The following APP variants were observed in gnomAD, a reference collection of about 807,000 sequenced individuals.
APP encodes amyloid beta precursor protein.
A neutral mutation model predicts 101.4 loss-of-function variants in APP; 31 were observed. That is an observed-to-expected ratio of 0.31 (90% CI 0.23 to 0.41). The LOEUF (loss-of-function observed/expected upper bound fraction) is 0.41. Among genes scored for constraint, APP ranks in the 10% least tolerant of loss-of-function variants. The pLI, the probability that APP is intolerant of heterozygous loss-of-function variation, is 1.00. For missense variants in APP, 839 were observed against 1,003.7 expected, an observed-to-expected ratio of 0.84 and a Z score of 2.22; for synonymous variants, 366 against 364.4, an observed-to-expected ratio of 1.00 and a Z score of -0.05.
intron 5 of APP, among the ~76,000 whole-genome samples, chr21:26,034,642 AAAAAAAAGAAAAAGAAAAAG>A (rs1264992051): frequency 0.024 from 3,108 of 127,434 alleles, 99 homozygotes; most frequent in African/African-American, 0.079. Context: ...ACTTCTCAAA[AAAAAAAAGAAAAAGAAAAAG>A]AAAAAAAGAA....
chr21:26,170,325 G>T (rs1236890923), intron 1 of APP, among the ~76,000 whole-genome samples: 1 of 152,142 alleles, frequency 6.6e-6, no homozygotes, highest in Non-Finnish European at 1.5e-5. Context: ...GGGCTGGCGC[G>T]GAACCAGGGA....
chr21:25,892,867 A>G (rs2037784535), intron 16 of APP, among the ~76,000 whole-genome samples: 2 of 152,158 alleles, frequency 1.3e-5, no homozygotes, highest in Non-Finnish European at 2.9e-5. Flanking sequence ...CTAAAGCTAA[A>G]TATTACCACG....
chr21:26,024,292 C>T (rs1165783616), intron 5 of APP, among the ~76,000 whole-genome samples: 1 of 150,102 alleles, frequency 6.7e-6, no homozygotes, highest in Non-Finnish European at 1.5e-5. Context: ...GCTATGCTGA[C>T]ATTATAATGT....
chr21:26,087,880 G>A (rs1488299312), intron 3 of APP, among the ~76,000 whole-genome samples: 3 of 152,140 alleles, frequency 2.0e-5, no homozygotes. Context: ...ACAAATATTT[G>A]GACAGTCTCC....
intron 11 of APP, among the ~76,000 whole-genome samples, chr21:25,963,226 A>G (rs1266790304): frequency 6.6e-6 from 1 of 152,328 alleles, no homozygotes; most frequent in East Asian, 1.9e-4. Context: ...AGTCTCATAC[A>G]TTTGACTAAT....
intron 13 of APP, among the ~76,000 whole-genome samples, chr21:25,927,121 C>CT (rs2039935622): frequency 6.6e-6 from 1 of 150,814 alleles, no homozygotes; most frequent in South Asian, 2.1e-4. Context: ...TCGACGGTAT[C>CT]TTTTAGAAGC....
chr21:25,990,960 G>A (rs138073979), intron 8 of APP, among the ~76,000 whole-genome samples: 1 of 152,248 alleles, frequency 6.6e-6, no homozygotes, highest in African/African-American at 2.4e-5. Flanking sequence ...AAAATGTGGT[G>A]TATATATACC....
intron 13 of APP, among the ~76,000 whole-genome samples, chr21:25,918,480 T>C (rs2039465195): frequency 6.6e-6 from 1 of 151,948 alleles, no homozygotes; most frequent in Non-Finnish European, 1.5e-5. Context: ...CGGGTTCATC[T>C]CACTAGGGAG....
At chr21:26,170,938 C>A, upstream of APP, 1 of 261,652 alleles carries the variant, frequency 3.8e-6, no homozygotes, top group Admixed American at 5.5e-5. Context: ...GCCCTTGGCG[C>A]CGCCTGCACC....
intron 6 of APP, among the ~76,000 whole-genome samples, chr21:26,017,106 G>A (rs983057222): frequency 7.4e-5 from 11 of 149,344 alleles, no homozygotes; most frequent in Non-Finnish European, 1.5e-4. Flanking sequence ...GGCTGAAGCG[G>A]GAGAATGGTG....
chr21:26,073,840 A>C (rs1449302367), intron 3 of APP, among the ~76,000 whole-genome samples: 2 of 152,180 alleles, frequency 1.3e-5, no homozygotes, highest in African/African-American at 4.8e-5. Context: ...AACTAAGCTC[A>C]AATTATTTAA....
intron 9 of APP, 39 bp downstream of exon 9, chr21:25,982,305 C>G (rs2042461973): frequency 3.1e-6 from 5 of 1,611,766 alleles, no homozygotes; most frequent in Non-Finnish European, 4.2e-6. Flanking sequence ...TCAGGTTTCC[C>G]AATATCGTAG....
intron 13 of APP, among the ~76,000 whole-genome samples, chr21:25,940,564 A>C (rs756349951): frequency 6.6e-6 from 1 of 152,238 alleles, no homozygotes; most frequent in Non-Finnish European, 1.5e-5. Context: ...TTTAATCTAC[A>C]ACTAATTATC....
At chr21:25,983,277 AAAAGC>A (rs1308460186) in intron 8 of APP, among the ~76,000 whole-genome samples, 1 of 152,258 alleles carries the variant, frequency 6.6e-6, no homozygotes, top group Admixed American at 6.5e-5. Context: ...TTATGAGCTT[AAAAGC>A]AAAAAGAAAA....
At chr21:26,016,954 G>T (rs2044107749) in intron 6 of APP, among the ~76,000 whole-genome samples, 1 of 134,392 alleles carries the variant, frequency 7.4e-6, no homozygotes, top group African/African-American at 3.2e-5. Context: ...CGGGGGGCGG[G>T]GGGTGCCGCC....
intron 3 of APP, among the ~76,000 whole-genome samples, chr21:26,056,925 CT>C (rs2046065780): frequency 6.6e-6 from 1 of 152,200 alleles, no homozygotes. Flanking sequence ...CCACAAAAAT[CT>C]GTTTTTAAAA....
chr21:26,164,560 T>G (rs975605828), intron 1 of APP, among the ~76,000 whole-genome samples: 1 of 152,182 alleles, frequency 6.6e-6, no homozygotes, highest in South Asian at 2.1e-4. Flanking sequence ...TGCTCAATAT[T>G]AGACATCTGT....
intron 17 of APP, among the ~76,000 whole-genome samples, chr21:25,885,132 A>G (rs1484241820): frequency 6.6e-6 from 1 of 152,264 alleles, no homozygotes; most frequent in Non-Finnish European, 1.5e-5. Context: ...AGAAGGGATT[A>G]TCTTGACAAA....
intron 6 of APP, among the ~76,000 whole-genome samples, chr21:26,008,639 T>G (rs1247435256): frequency 6.6e-6 from 1 of 152,170 alleles, no homozygotes; most frequent in East Asian, 1.9e-4. Context: ...TATACTGTAA[T>G]AATTAGCTTT....
Sources: gnomAD v4.1 joint callset for allele counts (sites outside exome capture counted in the v4.1 genomes callset) on GRCh38, gnomAD v4.1.1 for gene constraint, MANE v1.5 for transcripts, NCBI Gene and HGNC (gene_info 2026-07-23, HGNC 2026-07-21) for gene names.